USP49: variants seen among roughly 807,000 people sequenced by gnomAD.
The protein encoded by USP49 is ubiquitin carboxyl-terminal hydrolase 49.
In USP49, 24 loss-of-function variants were observed where a neutral mutation model predicts 58.6. The ratio of observed to expected loss-of-function variants is 0.41; its 90% CI spans 0.30 to 0.58. The LOEUF is 0.58. Among genes scored for constraint, USP49 ranks in the 20% least tolerant of loss-of-function variants. The pLI is 0.30. For synonymous variants in USP49, 408 were observed against 365.1 expected, an observed-to-expected ratio of 1.12 and a Z score of -1.34; for missense variants, 703 against 866.1, an observed-to-expected ratio of 0.81 and a Z score of 2.36.
At chr6:41,856,825 T>C (rs920343117) in intron 3 of USP49, among the ~76,000 whole-genome samples, 1 of 152,160 alleles carries the variant, frequency 6.6e-6, no homozygotes, top group African/African-American at 2.4e-5. Flanking sequence ...CAGCATATTG[T>C]TATAGTTGTT....
intron 3 of USP49, among the ~76,000 whole-genome samples, chr6:41,854,279 T>C (rs1774087300): frequency 7.1e-6 from 1 of 141,766 alleles, no homozygotes; most frequent in Non-Finnish European, 1.5e-5. Flanking sequence ...ATCCCACCAC[T>C]GTACTCCGGG....
intron 3 of USP49, among the ~76,000 whole-genome samples, chr6:41,823,157 C>A (rs755886678): frequency 7.9e-5 from 12 of 152,132 alleles, no homozygotes; most frequent in Non-Finnish European, 1.6e-4. Context: ...CATACATATA[C>A]ACACTCATGC....
At chr6:41,846,353 G>C (rs896191039) in intron 3 of USP49, among the ~76,000 whole-genome samples, 23 of 152,018 alleles carry the variant, frequency 1.5e-4, no homozygotes, top group Non-Finnish European at 3.1e-4. Context: ...ATCATTAGAG[G>C]AGTGATATCA....
chr6:41,835,842 G>C (rs1329077373), intron 3 of USP49, among the ~76,000 whole-genome samples: 2 of 152,110 alleles, frequency 1.3e-5, no homozygotes, highest in African/African-American at 4.8e-5. Context: ...GGGAGGTCAA[G>C]GTGGGAGGAT....
chr6:41,820,988 C>T (rs558981069), intron 3 of USP49, among the ~76,000 whole-genome samples: 2 of 152,088 alleles, frequency 1.3e-5, no homozygotes, highest in African/African-American at 4.8e-5. Flanking sequence ...GGCAAGAGAG[C>T]AAGACCCTGT....
chr6:41,796,016 A>G lies in USP49; in HGVS notation c.*517T>C, dbSNP rs1215405986. ...AAGGAAGTTTGTTTTAAACCCTTGA[A>G]GGTTACTTCCTTTGTGGGAATAAAC... On this transcript the variant is annotated 3_prime_UTR_variant, in exon 8 of 8. Coordinates refer to ENST00000682992, the MANE Select transcript of USP49 (RefSeq NM_001286554.2). The G allele has an allele frequency of 6.6e-6, 1 of 152,504 alleles. No homozygotes were observed. 9.4% of individuals were successfully genotyped at this position (152,504 alleles called of 1,614,324 possible). A position where few individuals can be genotyped will look rare whatever the true frequency, so the allele number is the denominator to read the frequency against.
At chr6:41,858,935 G>A (rs1457896993) in intron 3 of USP49, among the ~76,000 whole-genome samples, 2 of 152,104 alleles carry the variant, frequency 1.3e-5, no homozygotes, top group African/African-American at 4.8e-5. Context: ...TTGGGTCACA[G>A]CTATATCTCA....
At chr6:41,865,114 G>T (rs1330146801) in intron 3 of USP49, among the ~76,000 whole-genome samples, 1 of 151,600 alleles carries the variant, frequency 6.6e-6, no homozygotes, top group South Asian at 2.1e-4. Context: ...GTGCAATCTC[G>T]GCTTGTTGCA....
Position 41,806,678 on chromosome 6 carries a change from G to C in USP49, c.306C>G (p.Val102=), listed in dbSNP as rs202037241. 4.0e-5 allele frequency: 65 copies of C among 1,614,164 alleles called. No individual in the cohort carries two copies. Among genetic ancestry groups the C allele is most frequent in the Admixed American group, 2.7e-4 (16 of 60,036 alleles). The change falls in exon 4 of 8, where the codon GTC becomes GTG. Residue 102 remains valine (V), a synonymous_variant. Transcript: ENST00000682992. This position sits in a 1 kb window ranked among gnomAD's most constrained non-coding sequence, Gnocchi z 5.9. ...CCGGCGTGTCCTGTTTCTGGCCCCGGACCGCCAGGAGGGAGCTTCTTAGCA... is the reference window on the plus strand; with the variant it reads ...CCGGCGTGTCCTGTTTCTGGCCCCGCACCGCCAGGAGGGAGCTTCTTAGCA... ...LKLLRSSLLA[V]RGQKQDTPVR...
chr6:41,886,037 C>T (rs1183351550), intron 2 of USP49, among the ~76,000 whole-genome samples: 1 of 152,206 alleles, frequency 6.6e-6, no homozygotes, highest in Non-Finnish European at 1.5e-5. Context: ...TTCAATTCCA[C>T]GGTGATGTAT....
At chr6:41,830,818 G>C (rs373531344) in intron 3 of USP49, among the ~76,000 whole-genome samples, 1 of 150,022 alleles carries the variant, frequency 6.7e-6, no homozygotes, top group African/African-American at 2.5e-5. Context: ...GCAAGACTCC[G>C]TCTCAAGAGA....
intron 3 of USP49, among the ~76,000 whole-genome samples, chr6:41,853,346 G>A (rs1774064050): frequency 6.6e-6 from 1 of 152,160 alleles, no homozygotes; most frequent in Non-Finnish European, 1.5e-5. Context: ...TAGAGACAAA[G>A]TAGAATGGTG....
chr6:41,895,093 C>T (rs942300122), intron 1 of USP49, among the ~76,000 whole-genome samples: 51 of 148,536 alleles, frequency 3.4e-4, no homozygotes, highest in Admixed American at 1.3e-4. Context: ...CCGCTCCTCC[C>T]GCCCGCGAGG....
chr6:41,882,066 G>GA (rs142716192), intron 2 of USP49, among the ~76,000 whole-genome samples: 22 of 142,912 alleles, frequency 1.5e-4, no homozygotes, highest in Middle Eastern at 3.6e-3. Flanking sequence ...TATCAATTTT[G>GA]AAAAAAAAAA....
At chr6:41,895,258 C>G (rs555842989) in intron 1 of USP49, 66 bp downstream of exon 1, 3 of 151,148 alleles carry the variant, frequency 2.0e-5, no homozygotes, top group Non-Finnish European at 4.4e-5. Flanking sequence ...CCCCCTACCC[C>G]CTGGAGCTAC....
chr6:41,871,821 A>G (rs1774416769), intron 2 of USP49, among the ~76,000 whole-genome samples, 184 bp from the exon 3 acceptor site: 1 of 152,244 alleles, frequency 6.6e-6, no homozygotes, highest in African/African-American at 2.4e-5. Flanking sequence ...GCTAAGAGTA[A>G]CCAAAGAGTC....
intron 2 of USP49, among the ~76,000 whole-genome samples, chr6:41,889,031 T>C: frequency 6.9e-6 from 1 of 144,418 alleles, no homozygotes; most frequent in African/African-American, 2.5e-5. Context: ...TCCCAATCAA[T>C]TTTTTTTTTT....
Position 41,806,287 on chromosome 6 carries a change from G to A in USP49, c.697C>T (p.Arg233Cys). 2.5e-6 allele frequency: 4 copies of A among 1,600,150 alleles called. No individual in the cohort carries two copies. In the South Asian group the frequency reaches 3.3e-5, roughly 13 times the overall value. The change falls in exon 4 of 8, where the codon CGC becomes TGC. Residue 233 changes from arginine to cysteine, a missense_variant. Coordinates refer to ENST00000682992, the MANE Select transcript of USP49 (RefSeq NM_001286554.2). This position sits in a 1 kb window ranked among gnomAD's most constrained non-coding sequence, Gnocchi z 5.9. ...TTGAGTGTGGCGGCGGGCACTCTGCGTGAGGTAGGGAGGGCGGCGGGGCGC... is the reference window on the plus strand; with the variant it reads ...TTGAGTGTGGCGGCGGGCACTCTGCATGAGGTAGGGAGGGCGGCGGGGCGC... ...ASRPAALPTS[R>C]RVPAATLKLR...
chr6:41,840,155 G>A (rs896408704), intron 3 of USP49, among the ~76,000 whole-genome samples: 18 of 151,800 alleles, frequency 1.2e-4, no homozygotes, highest in African/African-American at 4.8e-5. Flanking sequence ...TGGGCGGATC[G>A]TGAGGTCAGG....
Sources: gnomAD v4.1 joint callset for allele counts (sites outside exome capture counted in the v4.1 genomes callset) on GRCh38, gnomAD v4.1.1 for gene constraint, Gnocchi (gnomAD v3.1) non-coding constraint, MANE v1.5 for transcripts, NCBI Gene and HGNC (gene_info 2026-07-23, HGNC 2026-07-21) for gene names.